Variants in AP4S1 observed in about 807,000 individuals in gnomAD.
AP4S1 encodes the protein adaptor related protein complex 4 subunit sigma 1.
In AP4S1, 23 loss-of-function variants were observed where a neutral mutation model predicts 19.8. The ratio of observed to expected loss-of-function variants is 1.16; its 90% CI spans 0.84 to 1.65. AP4S1 has a LOEUF of 1.65. Among genes scored for constraint, AP4S1 ranks in the 40% most tolerant of loss-of-function variants. The pLI, the probability that AP4S1 is intolerant of heterozygous loss-of-function variation, is 0.00. For missense variants in AP4S1, 166 were observed against 172.8 expected, an observed-to-expected ratio of 0.96 and a Z score of 0.22; for synonymous variants, 46 against 54.1, an observed-to-expected ratio of 0.85 and a Z score of 0.66.
chr14:31,084,714 C>G (rs1887835735), intron 5 of AP4S1: 1 of 1,611,466 alleles, frequency 6.2e-7, no homozygotes, highest in South Asian at 1.1e-5. Flanking sequence ...CCATCACATA[C>G]CTTGGTAGAT....
Position 31,032,717 on chromosome 14 carries a change from G to C in AP4S1, c.-72+6930G>C, listed in dbSNP as rs533206421. Among the ~76,000 whole-genome samples the C allele has an allele frequency of 5.9e-5, 9 of 151,996 alleles. No homozygotes were observed. The East Asian group carries it at 1.5e-3, about 26-fold the overall frequency. ...TGACCGGCTAATTTTTCTATTTTTA[G>C]TAGAGACAGGATTTCACTATGTTGG... On this transcript the variant is annotated intron_variant, in intron 1 of 5. Coordinates refer to ENST00000542754, the MANE Select transcript of AP4S1 (RefSeq NM_001128126.3).
Position 31,066,334 on chromosome 14 carries a change from A to G in AP4S1, c.138A>G (p.Gln46=), listed in dbSNP as rs749529562. The change falls in exon 2 of 6, where the codon CAA becomes CAG. Residue 46 remains glutamine (Q), a splice_region_variant and synonymous_variant. Coordinates refer to ENST00000542754, the MANE Select transcript of AP4S1 (RefSeq NM_001128126.3). The part of the protein sequence containing the change: ...IKSCLSRSNE[Q]CSFIEYKDFK... The stretch of plus-strand genomic sequence containing the variant: ...GCTGTCTCTCTCGATCCAATGAACA[A>G]GTAAGTCTCTGGTTCTCTCTTTTAT... The G allele has an allele frequency of 1.2e-6, 2 of 1,613,982 alleles. No individual in the cohort carries two copies. The highest frequency in any genetic ancestry group is 1.7e-6 in the Non-Finnish European group (2 of 1,179,918).
chr14:31,048,886 C>A (rs1159555010), intron 1 of AP4S1, among the ~76,000 whole-genome samples: 1 of 152,152 alleles, frequency 6.6e-6, no homozygotes, highest in Non-Finnish European at 1.5e-5. Context: ...AGATCCATGA[C>A]CAAATGAAAG....
At chr14:31,030,227 G>A (rs1003421823) in intron 1 of AP4S1, among the ~76,000 whole-genome samples, 7 of 152,210 alleles carry the variant, frequency 4.6e-5, no homozygotes, top group Middle Eastern at 3.4e-3. Flanking sequence ...GCAAAGTGCT[G>A]GGGTTACAGG....
intron 5 of AP4S1, among the ~76,000 whole-genome samples, chr14:31,090,281 C>T (rs561653942): frequency 1.5e-4 from 23 of 152,302 alleles, no homozygotes; most frequent in African/African-American, 4.6e-4. Flanking sequence ...CCACCGTGCC[C>T]GGCCTCATTT....
At chr14:31,081,559 A>G (rs923443637) in intron 5 of AP4S1, among the ~76,000 whole-genome samples, 3 of 152,138 alleles carry the variant, frequency 2.0e-5, no homozygotes, top group African/African-American at 4.8e-5. Flanking sequence ...TTTTAAGTTT[A>G]TTTTTTACTT....
At chr14:31,058,076 C>A (rs377429284) in intron 1 of AP4S1, among the ~76,000 whole-genome samples, 17 of 81,982 alleles carry the variant, frequency 2.1e-4, no homozygotes, top group East Asian at 1.5e-3. Flanking sequence ...AACCACCACA[C>A]CCAGCTCTTG....
Position 31,072,473 on chromosome 14 carries a change from C to T in AP4S1, c.226-432C>T, listed in dbSNP as rs369287746. Among the ~76,000 whole-genome samples the T allele has an allele frequency of 2.6e-3, 400 of 152,228 alleles. 15 individuals carry two copies. In the South Asian group the frequency reaches 0.058, roughly 22 times the overall value. ...GCAGCCTGGAACTCCTGGGGTCAAG[C>T]CATCCTCCTGCCTCAGTCTCGCAAG... On this transcript the variant is annotated intron_variant, in intron 3 of 5. Coordinates refer to ENST00000542754, the MANE Select transcript of AP4S1 (RefSeq NM_001128126.3).
chr14:31,037,675 T>C (rs914870386), intron 1 of AP4S1, among the ~76,000 whole-genome samples: 7 of 152,136 alleles, frequency 4.6e-5, no homozygotes, highest in African/African-American at 1.7e-4. Flanking sequence ...TTTAGCTGGA[T>C]GCAGTGGCTC....
chr14:31,051,285 T>G (rs1296095003), intron 1 of AP4S1, among the ~76,000 whole-genome samples: 1 of 151,524 alleles, frequency 6.6e-6, no homozygotes, highest in Non-Finnish European at 1.5e-5. Context: ...GGTGTAGATA[T>G]GCTGGACAAA....
At chr14:31,073,822 G>A (rs1483889674) in intron 4 of AP4S1, among the ~76,000 whole-genome samples, 1 of 151,342 alleles carries the variant, frequency 6.6e-6, no homozygotes, top group Non-Finnish European at 1.5e-5. Flanking sequence ...GGGATTACAG[G>A]CGTGAGCCAC....
In AP4S1 at chr14:31,069,844, GCT is replaced by G. The variant is rs777974629; in HGVS notation, c.143_144del (p.Ser48PhefsTer3). Reference sequence around the variant, plus strand: ...AATATCTCATTGTGTTTTGTCTAGTGCTCTTTCATTGAATATAAGGATTTTAA... The same window carrying G: ...AATATCTCATTGTGTTTTGTCTAGTGCTTTCATTGAATATAAGGATTTTAA... On this transcript the variant is annotated frameshift_variant and splice_region_variant, in exon 3 of 6. Coordinates refer to ENST00000542754, the MANE Select transcript of AP4S1 (RefSeq NM_001128126.3). LOFTEE classifies it high-confidence loss of function. The G allele has an allele frequency of 2.5e-6, 4 of 1,608,858 alleles. No homozygotes were observed. The highest frequency in any genetic ancestry group is 3.3e-5 in the Admixed American group (2 of 60,012).
At chr14:31,057,881 G>A (rs1025284160) in intron 1 of AP4S1, among the ~76,000 whole-genome samples, 6 of 150,930 alleles carry the variant, frequency 4.0e-5, no homozygotes, top group Non-Finnish European at 5.9e-5. Context: ...ACCTGCCTCG[G>A]CCTCCCAAAG....
intron 1 of AP4S1, among the ~76,000 whole-genome samples, chr14:31,028,739 C>G (rs549200331): frequency 1.3e-5 from 2 of 152,128 alleles, no homozygotes; most frequent in Admixed American, 6.5e-5. Flanking sequence ...ATGGCAAAAC[C>G]CCGTCTCTAC....
chr14:31,030,032 G>A (rs1432242147), intron 1 of AP4S1, among the ~76,000 whole-genome samples: 1 of 150,984 alleles, frequency 6.6e-6, no homozygotes, highest in Non-Finnish European at 1.5e-5. Context: ...CCAGGCTGGA[G>A]TGCAGTGGCA....
chr14:31,067,919 AG>A (rs966187035), intron 2 of AP4S1, among the ~76,000 whole-genome samples: 2 of 151,218 alleles, frequency 1.3e-5, no homozygotes, highest in Non-Finnish European at 2.9e-5. Context: ...CCCAGGCTGG[AG>A]TGCAACGGCA....
Position 31,092,935 on chromosome 14 carries a change from T to G in AP4S1, c.335T>G (p.Ile112Ser), listed in dbSNP as rs1264956108. 1 of 1,543,718 alleles carries G rather than the reference T, an allele frequency of 6.5e-7. No homozygotes were observed. The highest frequency in any genetic ancestry group is 1.2e-5 in the South Asian group (1 of 83,166). The part of the protein sequence containing the change: ...DIMFNLDKVH[I>S]ILDEMVLNGC... ...ATGTTTAATTTGGATAAAGTACACA[T>G]CATTTTGGATGAGATGGTGTTAAAT... Residue 112 changes from isoleucine to serine, a missense_variant, in exon 6 of 6, where the codon ATC becomes AGC. Coordinates refer to ENST00000542754, the MANE Select transcript of AP4S1 (RefSeq NM_001128126.3).
intron 1 of AP4S1, among the ~76,000 whole-genome samples, chr14:31,037,915 A>G: frequency 6.6e-6 from 1 of 152,212 alleles, no homozygotes; most frequent in East Asian, 1.9e-4. Context: ...TCACACCACT[A>G]TACTCTGGCC....
At chr14:31,035,507 A>C (rs1378769943) in intron 1 of AP4S1, among the ~76,000 whole-genome samples, 1 of 151,788 alleles carries the variant, frequency 6.6e-6, no homozygotes, top group Non-Finnish European at 1.5e-5. Context: ...TCCTTTATAC[A>C]ATCTAATCCT....
Sources: allele counts gnomAD v4.1 joint callset (sites outside exome capture counted in the v4.1 genomes callset), GRCh38; gene constraint gnomAD v4.1.1; transcripts MANE v1.5; gene names NCBI Gene and HGNC (gene_info 2026-07-23, HGNC 2026-07-21).